Variants in DENND4C observed in about 807,000 individuals in gnomAD.
DENND4C encodes the protein DENN domain-containing protein 4C.
In DENND4C, 108 loss-of-function variants were observed where a neutral mutation model predicts 203.0. That is an observed-to-expected ratio of 0.53 (90% CI 0.46 to 0.62). DENND4C has a LOEUF of 0.62. Ranked by LOEUF, DENND4C falls within the 20% of genes least tolerant of loss-of-function variation. The pLI is 0.00. For missense variants in DENND4C, 2,481 were observed against 2,301.2 expected, an observed-to-expected ratio of 1.08 and a Z score of -1.60; for synonymous variants, 871 against 792.4, an observed-to-expected ratio of 1.10 and a Z score of -1.67.
intron 1 of DENND4C, among the ~76,000 whole-genome samples, chr9:19,275,143 A>G (rs1028091370): frequency 6.7e-6 from 1 of 149,406 alleles, no homozygotes; most frequent in Non-Finnish European, 1.5e-5. Flanking sequence ...ACACCTGGCT[A>G]ATTTTTGTAT....
chr9:19,347,513 T>C (rs1203505593), intron 23 of DENND4C, among the ~76,000 whole-genome samples: 1 of 152,234 alleles, frequency 6.6e-6, no homozygotes, highest in African/African-American at 2.4e-5. Context: ...TTGTGTAGTC[T>C]ATCTGATATG....
chr9:19,334,416 A>G (rs556613322), intron 17 of DENND4C, among the ~76,000 whole-genome samples: 55 of 152,138 alleles, frequency 3.6e-4, no homozygotes, highest in African/African-American at 9.4e-4. Context: ...TTCTCTTTGT[A>G]TAGATTTAGT....
chr9:19,236,380 C>A (rs1029893096), intron 1 of DENND4C, among the ~76,000 whole-genome samples: 1 of 152,096 alleles, frequency 6.6e-6, no homozygotes, highest in Non-Finnish European at 1.5e-5. Flanking sequence ...AAACTTACAA[C>A]TTGCTGTAAA....
At chr9:19,305,951 G>T (rs960124370) in intron 10 of DENND4C, among the ~76,000 whole-genome samples, 2 of 152,184 alleles carry the variant, frequency 1.3e-5, no homozygotes, top group African/African-American at 2.4e-5. Flanking sequence ...TTGCTTAGTT[G>T]TCGGGATTTT....
rs572689207 is a variant in DENND4C, at chr9:19,246,084, T to G, written c.-18+15251T>G. 1.3e-4 allele frequency among the ~76,000 whole-genome samples: 20 copies of G among 151,402 alleles called. No individual in the cohort carries two copies. In the East Asian group the frequency reaches 3.9e-3, roughly 29 times the overall value. ...CCTCATATATTCTCTTCTTAACTTA[T>G]CCAATTATATTGATTCATTTAATAA... On this transcript the variant is annotated intron_variant, in intron 1 of 32. Transcript: ENST00000434457.
chr9:19,357,286 C>T, intron 27 of DENND4C, 132 bp downstream of exon 27: 3 of 638,960 alleles, frequency 4.7e-6, no homozygotes, highest in Non-Finnish European at 7.6e-6. Flanking sequence ...AACTTATTAC[C>T]ACATAGTGTT....
chr9:19,254,714 GGTGTTGATT>G (rs1363403583), intron 1 of DENND4C, among the ~76,000 whole-genome samples: 1 of 152,024 alleles, frequency 6.6e-6, no homozygotes, highest in Non-Finnish European at 1.5e-5. Context: ...TATGGGTGGT[GGTGTTGATT>G]GTGTTAATTT....
rs182194134 is a variant in DENND4C at position 19,369,717 on chromosome 9, T to C, written c.5525-120T>C. On this transcript the variant is annotated intron_variant, in intron 30 of 32. Coordinates refer to ENST00000434457, the MANE Select transcript of DENND4C (RefSeq NM_001330640.2). ...GGGAGACGAAGGTTGCAGTGAGCCATGATCACATCACTGCACTCCAGCCTG... is the reference window on the plus strand; with the variant it reads ...GGGAGACGAAGGTTGCAGTGAGCCACGATCACATCACTGCACTCCAGCCTG... 1.5e-3 allele frequency: 832 copies of C among 539,852 alleles called. 1 individual carries two copies. The highest frequency in any genetic ancestry group is 4.7e-3 in the Middle Eastern group (7 of 1,488). 33.4% of individuals were successfully genotyped at this position (539,852 alleles called of 1,614,324 possible).
chr9:19,273,367 T>A (rs2130867153), intron 1 of DENND4C, among the ~76,000 whole-genome samples: 1 of 152,114 alleles, frequency 6.6e-6, no homozygotes, highest in South Asian at 2.1e-4. Flanking sequence ...ATTATAGGTG[T>A]AAGCCACCAC....
At chr9:19,308,686 T>C (rs1840166482) in intron 10 of DENND4C, among the ~76,000 whole-genome samples, 2 of 152,230 alleles carry the variant, frequency 1.3e-5, no homozygotes, top group Non-Finnish European at 2.9e-5. Context: ...TATTAATTTC[T>C]CTTTATGGAG....
At chr9:19,234,309 C>T (rs1396865952) in intron 1 of DENND4C, among the ~76,000 whole-genome samples, 4 of 151,972 alleles carry the variant, frequency 2.6e-5, no homozygotes, top group Non-Finnish European at 5.9e-5. Context: ...CAGCTCACTG[C>T]AACCTGTGCC....
chr9:19,332,276 A>G, intron 17 of DENND4C, 92 bp downstream of exon 17: 1 of 999,068 alleles, frequency 1.0e-6, no homozygotes, highest in Non-Finnish European at 1.5e-6. Context: ...AAGTGTGCTC[A>G]AGCATTTTCA....
chr9:19,305,513 G>C lies in DENND4C; in HGVS notation c.1473G>C (p.Thr491=). 1.2e-6 allele frequency: 2 copies of C among 1,612,166 alleles called. No individual in the cohort carries two copies. Among genetic ancestry groups the C allele is most frequent in the Non-Finnish European group, 1.7e-6 (2 of 1,179,724 alleles). The change falls in exon 10 of 33, where the codon ACG becomes ACC. Residue 491 remains threonine (T), a synonymous_variant. Transcript: ENST00000434457. ...ATGTTGTTTGCATTGACTTGGATAC[G>C]AACATGTTATATGTGTAAGTTGATT... ...PQDVVCIDLD[T]NMLYVSDEKK...
intron 1 of DENND4C, among the ~76,000 whole-genome samples, chr9:19,238,624 T>C (rs1167480252): frequency 9.6e-5 from 1 of 10,372 alleles, no homozygotes; most frequent in Non-Finnish European, 1.8e-4. Context: ...TCTCCTCCCC[T>C]CCCCCCTCTC....
intron 10 of DENND4C, among the ~76,000 whole-genome samples, chr9:19,308,506 T>G (rs193285079): frequency 4.6e-5 from 7 of 152,342 alleles, no homozygotes; most frequent in Admixed American, 3.9e-4. Context: ...ATTTTCCTGT[T>G]AGATTGTTTG....
chr9:19,289,331 C>T (rs1835813610), intron 4 of DENND4C, among the ~76,000 whole-genome samples: 1 of 152,134 alleles, frequency 6.6e-6, no homozygotes, highest in Non-Finnish European at 1.5e-5. Context: ...TGGAATACTT[C>T]TTTGTGAAAA....
intron 10 of DENND4C, among the ~76,000 whole-genome samples, chr9:19,306,184 T>C (rs1588884471): frequency 6.6e-6 from 1 of 152,234 alleles, no homozygotes; most frequent in East Asian, 1.9e-4. Flanking sequence ...AATGTTCTTA[T>C]GTTGGTGCCA....
intron 10 of DENND4C, among the ~76,000 whole-genome samples, chr9:19,307,393 C>CAAAAAA: frequency 1.7e-5 from 1 of 58,430 alleles, no homozygotes; most frequent in Admixed American, 2.1e-4. Flanking sequence ...GACTCTGTCT[C>CAAAAAA]AAAAAAAAAA....
intron 24 of DENND4C, 118 bp downstream of exon 24, chr9:19,350,997 A>G (rs545008676): frequency 5.8e-6 from 6 of 1,027,968 alleles, no homozygotes; most frequent in Non-Finnish European, 8.2e-6. Flanking sequence ...TCCTGGGCTC[A>G]AGCAATCTGC....
Sources: gnomAD v4.1 joint callset for allele counts (sites outside exome capture counted in the v4.1 genomes callset) on GRCh38, gnomAD v4.1.1 for gene constraint, MANE v1.5 for transcripts, NCBI Gene and HGNC (gene_info 2026-07-23, HGNC 2026-07-21) for gene names.